The following LPIN1 variants were observed in gnomAD, a reference collection of about 807,000 sequenced individuals.
LPIN1 encodes phosphatidate phosphatase LPIN1.
A neutral mutation model predicts 107.5 loss-of-function variants in LPIN1; 71 were observed. The ratio of observed to expected loss-of-function variants is 0.66; its 90% confidence interval spans 0.55 to 0.80. The LOEUF (loss-of-function observed/expected upper bound fraction) is 0.80, where lower values mean the gene tolerates loss of function less well. Among genes scored for constraint, LPIN1 ranks in the 30% least tolerant of loss-of-function variants. LPIN1 has a pLI of 0.00. For synonymous variants in LPIN1, 445 were observed against 452.6 expected (o/e 0.98, Z 0.21); for missense variants, 1,043 against 1,160.6 (o/e 0.90, Z 1.47).
intron 7 of LPIN1, among the ~76,000 whole-genome samples, chr2:11,780,246 C>G (rs1673362510): frequency 6.6e-6 from 1 of 152,220 alleles, no homozygotes; most frequent in African/African-American, 2.4e-5. Flanking sequence ...TACACACAAT[C>G]TTGCTGTCTT....
rs1353613149 is a variant in LPIN1 at position 11,774,614 on chromosome 2, C to G, written c.722+869C>G. Among the ~76,000 whole-genome samples, 1 of 152,124 alleles carries G rather than the reference C, an allele frequency of 6.6e-6. No homozygotes were observed. The highest frequency in any genetic ancestry group is 2.4e-5 in the African/African-American group (1 of 41,416). ...ATTCGTATACCTCATGCTTTAGATT[C>G]GCTTCTGGTTCATGGTGCCAGCCCT... is the stretch of plus-strand genomic sequence containing the variant. On this transcript the variant is annotated intron_variant, in intron 5 of 20. Transcript: ENST00000674199. This position sits in a 1 kb window ranked among gnomAD's most constrained non-coding sequence, Gnocchi z 4.4.
At chr2:11,818,937 C>G (rs1681054066) in intron 18 of LPIN1, 1 of 152,022 alleles carries the variant, frequency 6.6e-6, no homozygotes, top group South Asian at 2.1e-4. Context: ...TCATGTTTTT[C>G]TCTTTTAACC....
chr2:11,684,136 G>T (rs1661874397), intron 1 of LPIN1, among the ~76,000 whole-genome samples: 1 of 152,220 alleles, frequency 6.6e-6, no homozygotes, highest in African/African-American at 2.4e-5. Flanking sequence ...CCGAATGGCA[G>T]CTCTGGGTCT....
chr2:11,745,473 C>G (rs1198175914), upstream of LPIN1, among the ~76,000 whole-genome samples: 2 of 152,194 alleles, frequency 1.3e-5, no homozygotes, highest in Non-Finnish European at 2.9e-5. Context: ...CTTTGGGAAG[C>G]CAAGGTGGGA....
At chr2:11,785,880 A>G (rs1232588000) in intron 10 of LPIN1, among the ~76,000 whole-genome samples, 1 of 152,190 alleles carries the variant, frequency 6.6e-6, no homozygotes, top group African/African-American at 2.4e-5. Context: ...CGTGCCAGCC[A>G]GTCCCTTGAG....
chr2:11,804,037 C>G (rs1033044370), intron 15 of LPIN1, among the ~76,000 whole-genome samples: 3 of 152,128 alleles, frequency 2.0e-5, no homozygotes, highest in Non-Finnish European at 4.4e-5. Context: ...GATGATCTTC[C>G]TATTTAGTCC....
At chr2:11,800,937 G>A (rs1343575330) in intron 14 of LPIN1, among the ~76,000 whole-genome samples, 1 of 152,082 alleles carries the variant, frequency 6.6e-6, no homozygotes, top group East Asian at 1.9e-4. Flanking sequence ...CCATTTAACG[G>A]GTTGTCTCTT....
intron 18 of LPIN1, 33 bp from the exon 19 acceptor site, chr2:11,819,451 C>T (rs1264689068): frequency 2.2e-6 from 3 of 1,347,880 alleles, no homozygotes; most frequent in East Asian, 2.3e-5. Context: ...AGCTTAGCCT[C>T]TCATGTTAAT....
At chr2:11,796,378 G>A (rs1416522052) in intron 14 of LPIN1, among the ~76,000 whole-genome samples, 1 of 152,112 alleles carries the variant, frequency 6.6e-6, no homozygotes, top group Non-Finnish European at 1.5e-5. Flanking sequence ...TCTGAATCCC[G>A]GCCATGGCTC....
chr2:11,771,404 C>T lies in LPIN1; in HGVS notation c.321C>T (p.Pro107=). The T allele has an allele frequency of 7.4e-6, 12 of 1,614,244 alleles. No homozygotes were observed. Among genetic ancestry groups the T allele is most frequent in the South Asian group, 1.1e-5 (1 of 91,082 alleles). The part of the protein sequence containing the change: ...EVIPMHLATS[P]ILSEGASRME... ...TCCCTATGCACCTGGCCACCTCCCC[C>T]ATCCTGTCAGAAGGAGCTTCGAGAA... is the stretch of plus-strand genomic sequence containing the variant. Residue 107 remains proline (P), a synonymous_variant, in exon 4 of 21, where the codon CCC becomes CCT. Coordinates refer to ENST00000674199, the MANE Select transcript of LPIN1 (RefSeq NM_001349206.2). This position sits in a 1 kb window ranked among gnomAD's most constrained non-coding sequence, Gnocchi z 4.8.
chr2:11,759,427 A>G (rs1669270040), intron 1 of LPIN1, among the ~76,000 whole-genome samples: 1 of 152,134 alleles, frequency 6.6e-6, no homozygotes, highest in African/African-American at 2.4e-5. Flanking sequence ...AACAAAGCAC[A>G]TCTTGCACCG....
chr2:11,768,663 A>G (rs115240286), intron 3 of LPIN1, among the ~76,000 whole-genome samples: 4,451 of 152,180 alleles, frequency 0.029, 113 homozygotes, highest in Non-Finnish European at 0.043. Context: ...GGGGCTGGGC[A>G]TGGTGGCTCA....
At position 11,821,495 on chromosome 2, in the gene LPIN1, C is replaced by T. The variant is rs189657778; in HGVS notation, c.2621+981C>T. Among the ~76,000 whole-genome samples the T allele has an allele frequency of 6.1e-3, 926 of 152,188 alleles. 12 individuals are homozygous for T. The highest frequency in any genetic ancestry group is 0.021 in the African/African-American group (878 of 41,504). Reference sequence around the variant, plus strand: ...TCGTGCCATTGCACTCCAGCCTGGGCGACAGAGCTAGACTCTGTCTCAAAA... The same window carrying T: ...TCGTGCCATTGCACTCCAGCCTGGGTGACAGAGCTAGACTCTGTCTCAAAA... On this transcript the variant is annotated intron_variant, in intron 20 of 20. Transcript: ENST00000674199.
At chr2:11,703,551 G>A (rs570328288) in intron 1 of LPIN1, among the ~76,000 whole-genome samples, 2 of 152,264 alleles carry the variant, frequency 1.3e-5, no homozygotes, top group African/African-American at 4.8e-5. Flanking sequence ...ATTTTATACA[G>A]AAGGACTTGC....
chr2:11,764,482 C>T (rs573967282), intron 1 of LPIN1, among the ~76,000 whole-genome samples: 1 of 152,322 alleles, frequency 6.6e-6, no homozygotes, highest in South Asian at 2.1e-4. Flanking sequence ...CCTTCACGAG[C>T]CTGTGAGTCT....
Position 11,783,860 on chromosome 2 carries a change from C to CGT in LPIN1, c.1297_1298dup (p.Tyr434SerfsTer62). 1.2e-6 allele frequency: 2 copies of CGT among 1,614,126 alleles called. No individual in the cohort carries two copies. The highest frequency in any genetic ancestry group is 1.7e-6 in the Non-Finnish European group (2 of 1,179,988). On this transcript the variant is annotated frameshift_variant, in exon 9 of 21. Transcript: ENST00000674199. LOFTEE classifies it high-confidence loss of function. ...GAAGCCGACATCTTGGTGCTGACGG[C>CGT]GTCTACTTGGATGACCTCACAGACA...
chr2:11,698,537 G>A (rs184989340), intron 1 of LPIN1, among the ~76,000 whole-genome samples: 16 of 152,312 alleles, frequency 1.1e-4, no homozygotes, highest in African/African-American at 3.6e-4. Flanking sequence ...CGTGTGAGCT[G>A]GTGGATCAGG....
intron 17 of LPIN1, among the ~76,000 whole-genome samples, chr2:11,814,143 G>T (rs1197396744): frequency 6.6e-6 from 1 of 152,140 alleles, no homozygotes. Context: ...GCGAGCTGCT[G>T]TGTCTGGGAA....
rs770489858 is a variant in LPIN1, at chr2:11,803,022, T to C, written c.2002T>C (p.Ser668Pro). Reference protein sequence around the residue: ...VSYKKTLRLTSEQLKSLKLKN... With the variant: ...VSYKKTLRLTPEQLKSLKLKN... The stretch of plus-strand genomic sequence containing the variant: ...CTACAAGAAGACTCTCCGGCTGACT[T>C]CCGAGCAGCTTGTGAGTCTCCCATG... Residue 668 changes from serine (S) to proline (P), a missense_variant, in exon 15 of 21, where the codon TCC (serine) becomes CCC (proline). By Grantham distance (74) the Ser-to-Pro change is moderately conservative (BLOSUM62 -1). Transcript: ENST00000674199. This position sits in a 1 kb window ranked among gnomAD's most constrained non-coding sequence, Gnocchi z 4.2. The C allele has an allele frequency of 1.2e-6, 2 of 1,612,522 alleles. No individual in the cohort carries two copies. Among genetic ancestry groups the C allele is most frequent in the South Asian group, 2.2e-5 (2 of 91,004 alleles).
Sources: allele counts gnomAD v4.1 joint callset (sites outside exome capture counted in the v4.1 genomes callset), GRCh38; gene constraint gnomAD v4.1.1; non-coding constraint Gnocchi (gnomAD v3.1); transcripts MANE v1.5; gene names NCBI Gene and HGNC (gene_info 2026-07-23, HGNC 2026-07-21).